CRELD1: variants seen among roughly 807,000 people sequenced by gnomAD.
CRELD1 encodes protein disulfide isomerase CRELD1.
A neutral mutation model predicts 58.2 loss-of-function variants in CRELD1; 42 were observed. That is an observed-to-expected ratio of 0.72 (90% CI 0.56 to 0.93). The LOEUF (loss-of-function observed/expected upper bound fraction) is 0.93. CRELD1 is among the 40% of genes least tolerant of loss of function. The pLI is 0.00. For synonymous variants in CRELD1, 222 were observed against 202.0 expected, an observed-to-expected ratio of 1.10 and a Z score of -0.84; for missense variants, 500 against 540.6, an observed-to-expected ratio of 0.92 and a Z score of 0.74.
chr3:9,936,287 G>A (rs1173667905), intron 3 of CRELD1: 7 of 152,154 alleles, frequency 4.6e-5, no homozygotes, highest in East Asian at 3.9e-4. Flanking sequence ...TTCCTTCGCC[G>A]GGCCTGAGTT....
intron 3 of CRELD1, chr3:9,936,316 G>A (rs900582869): frequency 6.6e-6 from 1 of 152,068 alleles, no homozygotes; most frequent in African/African-American, 2.4e-5. Context: ...CAGGAATGAG[G>A]GGATTGGCTA....
chr3:9,943,306 G>T, intron 9 of CRELD1, 75 bp from the exon 10 acceptor site: 1 of 1,406,700 alleles, frequency 7.1e-7, no homozygotes, highest in East Asian at 2.2e-5. Context: ...GGGGAGTGTT[G>T]AGAGATGGAC....
chr3:9,935,121 T>G, intron 3 of CRELD1: 3 of 564,400 alleles, frequency 5.3e-6, no homozygotes, highest in East Asian at 6.0e-5. Flanking sequence ...AGTGAATGAG[T>G]AAGTGAATAA....
rs144878617 is a variant in CRELD1 at position 9,934,522 on chromosome 3, G to T, written c.84G>T (p.Trp28Cys). 1.6e-5 allele frequency: 26 copies of T among 1,613,872 alleles called. No homozygotes were observed. In the African/African-American group the frequency reaches 3.3e-4, roughly 21 times the overall value. ...TCCTCAACCTCCCAGGACCTATCTG[G>T]CTCCAGCCCTCTCCACCTCCCCAGT... ...SLFLNLPGPIWLQPSPPPQSS... is the reference protein window; with the variant it reads ...SLFLNLPGPICLQPSPPPQSS... Residue 28 changes from tryptophan to cysteine, a missense_variant, in exon 2 of 11, where the codon TGG becomes TGT. By Grantham distance (215) the Trp-to-Cys change is radical. Transcript: ENST00000452070.
In CRELD1 at chr3:9,939,140, AAAATAAATAAATAAATAAAT is replaced by A. The variant is rs201401416; in HGVS notation, c.460+1062_460+1081del. ...GAAACAGAGCGAGACCCTGTCACTAAAAATAAATAAATAAATAAATAAATAAATAAATAAATAAATAAATA... is the reference window on the plus strand; with the variant it reads ...GAAACAGAGCGAGACCCTGTCACTAAAAATAAATAAATAAATAAATAAATA... On this transcript the variant is annotated intron_variant, in intron 5 of 10. Coordinates refer to ENST00000452070, the MANE Select transcript of CRELD1 (RefSeq NM_001077415.3). Among the ~76,000 whole-genome samples, 18 of 144,866 alleles carry A rather than the reference AAAATAAATAAATAAATAAAT, an allele frequency of 1.2e-4. No homozygotes were observed. The East Asian group carries it at 1.4e-3, about 11-fold the overall frequency.
At chr3:9,939,738 A>G (rs1314542752) in intron 5 of CRELD1, among the ~76,000 whole-genome samples, 1 of 152,178 alleles carries the variant, frequency 6.6e-6, no homozygotes, top group African/African-American at 2.4e-5. Flanking sequence ...ACTTCTTTCT[A>G]CACAGACACA....
At chr3:9,942,646 T>A in intron 7 of CRELD1, 167 bp from the exon 8 acceptor site, 1 of 668,340 alleles carries the variant, frequency 1.5e-6, no homozygotes, top group South Asian at 1.6e-5. Flanking sequence ...AAATGTGGTC[T>A]CTGGCTGGGC....
In CRELD1 at chr3:9,940,857, TGGG is replaced by T; in HGVS notation, c.471_473del (p.Gly158del). The T allele has an allele frequency of 6.2e-7, 1 of 1,607,112 alleles. No individual in the cohort carries two copies. Among genetic ancestry groups the T allele is most frequent in the South Asian group, 1.1e-5 (1 of 90,766 alleles). On this transcript the variant is annotated inframe_deletion, in exon 6 of 11. Coordinates refer to ENST00000452070, the MANE Select transcript of CRELD1 (RefSeq NM_001077415.3). ...TTTGGTGTCTTCCCACAGCCTGTCC[TGGG>T]GGAACAGAGAGGCCCTGCGGTGGCT...
chr3:9,938,104 TTCG>T lies in CRELD1; in HGVS notation c.460_460+2del. ...GCAGGCACCTTCGGGCCCTCCTGCC[TTCG>T]TGAGTTTTTAAGTTGCTCTTGGGGA... On this transcript the variant is annotated splice_donor_variant and coding_sequence_variant, in exon 5 of 11. Transcript: ENST00000452070. LOFTEE classifies it high-confidence loss of function. The T allele has an allele frequency of 6.2e-7, 1 of 1,612,578 alleles. No individual in the cohort carries two copies.
chr3:9,940,918 G>C lies in CRELD1; in HGVS notation c.529G>C (p.Gly177Arg). Residue 177 changes from glycine (G) to arginine (R), a missense_variant, in exon 6 of 11, where the codon GGC becomes CGC. Gly to Arg is a moderately radical substitution (Grantham distance 125, BLOSUM62 -2). Transcript: ENST00000452070. ...GTGTGAAGGAGAAGGGACACGAGGG[G>C]GCAGCGGGCACTGTGACTGCCAAGC... Reference protein sequence around the residue: ...GQCEGEGTRGGSGHCDCQAGY... With the variant: ...GQCEGEGTRGRSGHCDCQAGY... 8 of 1,614,132 alleles carry C rather than the reference G, an allele frequency of 5.0e-6. No homozygotes were observed. Among genetic ancestry groups the C allele is most frequent in the Non-Finnish European group, 6.8e-6 (8 of 1,180,014 alleles).
intron 3 of CRELD1, among the ~76,000 whole-genome samples, 189 bp from the exon 4 acceptor site, chr3:9,937,373 T>C (rs1367090673): frequency 6.6e-6 from 1 of 152,114 alleles, no homozygotes; most frequent in Non-Finnish European, 1.5e-5. Flanking sequence ...GTTAAGTGAC[T>C]TGCCCACTAG....
At chr3:9,938,778 T>C (rs777763307) in intron 5 of CRELD1, among the ~76,000 whole-genome samples, 11 of 151,878 alleles carry the variant, frequency 7.2e-5, no homozygotes, top group Non-Finnish European at 1.5e-4. Context: ...AAGAATGGCA[T>C]GAACCCGGCA....
Position 9,943,126 on chromosome 3 carries a change from TA to T in CRELD1, c.869del (p.Lys290ArgfsTer55). The T allele has an allele frequency of 6.2e-7, 1 of 1,613,566 alleles. No homozygotes were observed. Among genetic ancestry groups the T allele is most frequent in the Non-Finnish European group, 8.5e-7 (1 of 1,179,986 alleles). On this transcript the variant is annotated frameshift_variant, in exon 9 of 11. Coordinates refer to ENST00000452070, the MANE Select transcript of CRELD1 (RefSeq NM_001077415.3). LOFTEE classifies it high-confidence loss of function. The stretch of plus-strand genomic sequence containing the variant: ...GCATGGGGGCAGGGCCAGGTCGCTG[TA>T]AGAAGTGTAGCCCTGGCTATCAGCA... The part of the protein sequence containing the change: ...GCMGAGPGRC[K>X]KCSPGYQQVG...
chr3:9,937,205 C>G (rs570552555), intron 3 of CRELD1, among the ~76,000 whole-genome samples: 1 of 152,128 alleles, frequency 6.6e-6, no homozygotes, highest in African/African-American at 2.4e-5. Context: ...ACATCCCTGC[C>G]AACACTTGTT....
intron 10 of CRELD1, 190 bp downstream of exon 10, chr3:9,943,705 GGTACAA>G: frequency 1.0e-6 from 1 of 985,292 alleles, no homozygotes; most frequent in South Asian, 4.7e-5. Flanking sequence ...TACCTTCCAG[GGTACAA>G]AGGGAATCAG....
At chr3:9,938,702 TA>T (rs1247727796) in intron 5 of CRELD1, 1 of 151,742 alleles carries the variant, frequency 6.6e-6, no homozygotes, top group Non-Finnish European at 1.5e-5. Context: ...TACTAAAAAA[TA>T]CAAAAAATTA....
At chr3:9,934,128 T>A (rs2085089906) in intron 1 of CRELD1, 2 of 455,422 alleles carry the variant, frequency 4.4e-6, no homozygotes, top group Non-Finnish European at 8.1e-6. Context: ...ATCCGGCCCC[T>A]AATATTCTTT....
chr3:9,938,099 C>T lies in CRELD1; in HGVS notation c.453C>T (p.Ser151=). The T allele has an allele frequency of 6.2e-6, 10 of 1,613,314 alleles. No homozygotes were observed. Among genetic ancestry groups the T allele is most frequent in the Non-Finnish European group, 8.5e-6 (10 of 1,179,746 alleles). The change falls in exon 5 of 11, where the codon TCC becomes TCT. Residue 151 remains serine, a synonymous_variant. Transcript: ENST00000452070. Reference sequence around the variant, plus strand: ...GCCCCGCAGGCACCTTCGGGCCCTCCTGCCTTCGTGAGTTTTTAAGTTGCT... The same window carrying T: ...GCCCCGCAGGCACCTTCGGGCCCTCTTGCCTTCGTGAGTTTTTAAGTTGCT... ...LCCPAGTFGP[S]CLPCPGGTER...
intron 3 of CRELD1, chr3:9,935,586 TA>T (rs1331572670): frequency 4.6e-5 from 7 of 152,998 alleles, no homozygotes; most frequent in Non-Finnish European, 8.7e-5. Flanking sequence ...GCTAGTGTGG[TA>T]TCTAGTGGAG....
Sources: gnomAD v4.1 joint callset for allele counts (sites outside exome capture counted in the v4.1 genomes callset) on GRCh38, gnomAD v4.1.1 for gene constraint, MANE v1.5 for transcripts, NCBI Gene and HGNC (gene_info 2026-07-23, HGNC 2026-07-21) for gene names.